The following EFNA3 variants were observed in gnomAD, a reference collection of about 807,000 sequenced individuals.
EFNA3 encodes the protein ephrin A3, also known as ephrin-A3.
In EFNA3, 15 loss-of-function variants were observed where a neutral mutation model predicts 25.0. The ratio of observed to expected loss-of-function variants is 0.60; its 90% CI spans 0.40 to 0.92. The LOEUF (loss-of-function observed/expected upper bound fraction) is 0.92. EFNA3 is among the 40% of genes least tolerant of loss of function. The pLI, the probability that EFNA3 is intolerant of heterozygous loss-of-function variation, is 0.00. For synonymous variants in EFNA3, 153 were observed against 145.6 expected (o/e 1.05, Z -0.37); for missense variants, 298 against 323.8 (o/e 0.92, Z 0.61).
At chr1:155,084,495 G>C (rs1663407815) in intron 1 of EFNA3, among the ~76,000 whole-genome samples, 1 of 152,244 alleles carries the variant, frequency 6.6e-6, no homozygotes, top group Non-Finnish European at 1.5e-5. Flanking sequence ...GTGTGCCATA[G>C]AACTTATGCA....
chr1:155,085,002 G>C lies in EFNA3; in HGVS notation c.129-89G>C, dbSNP rs534340239. The C allele has an allele frequency of 9.6e-6, 14 of 1,461,796 alleles. No homozygotes were observed. The highest frequency in any genetic ancestry group is 3.7e-5 in the South Asian group (3 of 82,090). The allele number at this position is 1,461,796 out of a possible 1,614,324, so 90.6% of individuals were successfully genotyped here. ...GGAGGAAAAGTCGGAAGGCTACGCG[G>C]ACCCTGGGGAGGGGCTGCGGAGCGG... On this transcript the variant is annotated intron_variant, in intron 1 of 4. Coordinates refer to ENST00000368408, the MANE Select transcript of EFNA3 (RefSeq NM_004952.5). The surrounding 1 kb of genome is among the most constrained non-coding windows in gnomAD (Gnocchi z 4.4).
intron 1 of EFNA3, among the ~76,000 whole-genome samples, chr1:155,084,571 G>C (rs2102453157): frequency 6.6e-6 from 1 of 152,384 alleles, no homozygotes; most frequent in Non-Finnish European, 1.5e-5. Context: ...GGCCTCCGGG[G>C]TGGACTGGCA....
At position 155,085,992 on chromosome 1, in the gene EFNA3, TG is replaced by T; in HGVS notation, c.508+54del. The T allele has an allele frequency of 1.9e-6, 3 of 1,584,122 alleles. No individual in the cohort carries two copies. The South Asian group carries it at 3.4e-5, about 18-fold the overall frequency. On this transcript the variant is annotated intron_variant, in intron 3 of 4. Coordinates refer to ENST00000368408, the MANE Select transcript of EFNA3 (RefSeq NM_004952.5). This position sits in a 1 kb window ranked among gnomAD's most constrained non-coding sequence, Gnocchi z 4.4. ...CGCCCCCATCCTCAGCTCCCTGCTT[TG>T]GGGCTCCCCTGGCTTCCTGGGGGTG...
Position 155,086,194 on chromosome 1 carries a change from T to G in EFNA3, c.575T>G (p.Ile192Ser). 6.2e-7 allele frequency: 1 copy of G among 1,608,408 alleles called. No individual in the cohort carries two copies. Among genetic ancestry groups the G allele is most frequent in the South Asian group, 1.1e-5 (1 of 90,954 alleles). ...TTCACCATGGGCCCCAATGTGAAGATCAACGTGCTGGGTGAGTCTGCGCAG... is the reference window on the plus strand; with the variant it reads ...TTCACCATGGGCCCCAATGTGAAGAGCAACGTGCTGGGTGAGTCTGCGCAG... ...PQFTMGPNVKINVLEDFEGEN... is the reference protein window; with the variant it reads ...PQFTMGPNVKSNVLEDFEGEN... The change falls in exon 4 of 5, where the codon ATC becomes AGC. Residue 192 changes from isoleucine to serine, a missense_variant. Transcript: ENST00000368408.
In EFNA3 at chr1:155,079,163, T is replaced by A; in HGVS notation, c.128+94T>A. On this transcript the variant is annotated intron_variant, in intron 1 of 4. Transcript: ENST00000368408. This position sits in a 1 kb window ranked among gnomAD's most constrained non-coding sequence, Gnocchi z 7.7. Reference sequence around the variant, plus strand: ...GTCCTGGGGGATCCCGGGGTGGGAGTCCTGGGAGACCAGAGCTGGGGGCTG... The same window carrying A: ...GTCCTGGGGGATCCCGGGGTGGGAGACCTGGGAGACCAGAGCTGGGGGCTG... 1.7e-6 allele frequency: 2 copies of A among 1,178,530 alleles called. No homozygotes were observed. The highest frequency in any genetic ancestry group is 2.1e-6 in the Non-Finnish European group (2 of 934,500). 73.0% of individuals were successfully genotyped at this position (1,178,530 alleles called of 1,614,324 possible).
chr1:155,085,774 C>A lies in EFNA3; in HGVS notation c.443-103C>A. The stretch of plus-strand genomic sequence containing the variant: ...AGGGTAGGGGAGCTCCTGAAGGAGA[C>A]CGCCCGACGGGGACAGTTTGGAGGG... On this transcript the variant is annotated intron_variant, in intron 2 of 4. Transcript: ENST00000368408. This position sits in a 1 kb window ranked among gnomAD's most constrained non-coding sequence, Gnocchi z 4.4. The A allele has an allele frequency of 7.1e-7, 1 of 1,416,692 alleles. No individual in the cohort carries two copies. Among genetic ancestry groups the A allele is most frequent in the Non-Finnish European group, 9.7e-7 (1 of 1,029,782 alleles). The allele number at this position is 1,416,692 out of a possible 1,614,324, so 87.8% of individuals were successfully genotyped here. A position where few individuals can be genotyped will look rare whatever the true frequency, so the allele number is the denominator to read the frequency against.
At position 155,085,624 on chromosome 1, in the gene EFNA3, GC is replaced by G. The variant is rs958303276; in HGVS notation, c.442+221del. ...TTGGTGACAGTCCCAAGTTTGGGCT[GC>G]GGAGAATCGCTGTTTCTGTGAGGGA... On this transcript the variant is annotated intron_variant, in intron 2 of 4. Coordinates refer to ENST00000368408, the MANE Select transcript of EFNA3 (RefSeq NM_004952.5). This position sits in a 1 kb window ranked among gnomAD's most constrained non-coding sequence, Gnocchi z 4.4. 36 of 691,918 alleles carry G rather than the reference GC, an allele frequency of 5.2e-5. No homozygotes were observed. The highest frequency in any genetic ancestry group is 7.8e-5 in the Non-Finnish European group (33 of 421,412). The allele number at this position is 691,918 out of a possible 1,614,324, so 42.9% of individuals were successfully genotyped here. A position where few individuals can be genotyped will look rare whatever the true frequency, so the allele number is the denominator to read the frequency against.
chr1:155,079,501 A>G lies in EFNA3; in HGVS notation c.128+432A>G, dbSNP rs1288972689. 6.6e-6 allele frequency among the ~76,000 whole-genome samples: 1 copy of G among 152,030 alleles called. No individual in the cohort carries two copies. Among genetic ancestry groups the G allele is most frequent in the Admixed American group, 6.5e-5 (1 of 15,282 alleles). ...GGTTCTGTCTAGGACTCCTGCTTTT[A>G]AAAGTGGGGTCCAGAGCTGAGGCAG... On this transcript the variant is annotated intron_variant, in intron 1 of 4. Coordinates refer to ENST00000368408, the MANE Select transcript of EFNA3 (RefSeq NM_004952.5). This position sits in a 1 kb window ranked among gnomAD's most constrained non-coding sequence, Gnocchi z 7.7.
In EFNA3 at chr1:155,079,595, C is replaced by G. The variant is rs898913839; in HGVS notation, c.128+526C>G. 3.3e-5 allele frequency among the ~76,000 whole-genome samples: 5 copies of G among 152,110 alleles called. No individual in the cohort carries two copies. The highest frequency in any genetic ancestry group is 4.8e-5 in the African/African-American group (2 of 41,404). On this transcript the variant is annotated intron_variant, in intron 1 of 4. Coordinates refer to ENST00000368408, the MANE Select transcript of EFNA3 (RefSeq NM_004952.5). The surrounding 1 kb of genome is among the most constrained non-coding windows in gnomAD (Gnocchi z 7.7). Reference sequence around the variant, plus strand: ...GTCTTGGTTGTGTGGATAAGCCCGGCTAGGGTGAGCTAGGGCTGGGTCGCT... The same window carrying G: ...GTCTTGGTTGTGTGGATAAGCCCGGGTAGGGTGAGCTAGGGCTGGGTCGCT...
rs753508785 is a variant in EFNA3, at chr1:155,086,438, G to C, written c.612G>C (p.Gln204His). The change falls in exon 5 of 5, where the codon CAG (glutamine) becomes CAC (histidine). Residue 204 changes from glutamine (Q) to histidine (H), a missense_variant. Transcript: ENST00000368408. ...VLEDFEGENP[Q>H]VPKLEKSISG... Reference sequence around the variant, plus strand: ...AAGACTTTGAGGGAGAGAACCCTCAGGTGCCCAAGCTTGAGAAGAGCATCA... The same window carrying C: ...AAGACTTTGAGGGAGAGAACCCTCACGTGCCCAAGCTTGAGAAGAGCATCA... 6.2e-7 allele frequency: 1 copy of C among 1,614,108 alleles called. No individual in the cohort carries two copies. Among genetic ancestry groups the C allele is most frequent in the East Asian group, 2.2e-5 (1 of 44,880 alleles).
Position 155,085,583 on chromosome 1 carries a change from G to C in EFNA3, c.442+179G>C. 1.2e-6 allele frequency: 1 copy of C among 813,726 alleles called. No homozygotes were observed. Among genetic ancestry groups the C allele is most frequent in the South Asian group, 1.8e-5 (1 of 54,122 alleles). 50.4% of individuals were successfully genotyped at this position (813,726 alleles called of 1,614,324 possible). On this transcript the variant is annotated intron_variant, in intron 2 of 4. Coordinates refer to ENST00000368408, the MANE Select transcript of EFNA3 (RefSeq NM_004952.5). This position sits in a 1 kb window ranked among gnomAD's most constrained non-coding sequence, Gnocchi z 4.4. ...GGGGTTCAGCTCAGACGAGGTCGTG[G>C]GGCCAAGAGAGGAGTTTGGTGACAG...
Position 155,085,834 on chromosome 1 carries a change from C to A in EFNA3, c.443-43C>A, listed in dbSNP as rs771732846. ...TAGAGCCGTCGAGGGAGGGCACAGG[C>A]ACACATTGGGCGAAAGTGACTCAGG... is the stretch of plus-strand genomic sequence containing the variant. On this transcript the variant is annotated intron_variant, in intron 2 of 4. Coordinates refer to ENST00000368408, the MANE Select transcript of EFNA3 (RefSeq NM_004952.5). The surrounding 1 kb of genome is among the most constrained non-coding windows in gnomAD (Gnocchi z 4.4). 6.2e-6 allele frequency: 10 copies of A among 1,606,684 alleles called. No individual in the cohort carries two copies. Among genetic ancestry groups the A allele is most frequent in the South Asian group, 1.1e-5 (1 of 89,880 alleles).
Position 155,086,759 on chromosome 1 carries a change from C to T in EFNA3, c.*216C>T, listed in dbSNP as rs796650265. 5 of 597,600 alleles carry T rather than the reference C, an allele frequency of 8.4e-6. No homozygotes were observed. The highest frequency in any genetic ancestry group is 3.7e-5 in the African/African-American group (2 of 53,390). 37.0% of individuals were successfully genotyped at this position (597,600 alleles called of 1,614,324 possible). ...CACGGGGACAGCCATGGGTCCCGGGCGGCCTTGTGGCTCTGGTAATGTTTG... is the reference window on the plus strand; with the variant it reads ...CACGGGGACAGCCATGGGTCCCGGGTGGCCTTGTGGCTCTGGTAATGTTTG... On this transcript the variant is annotated 3_prime_UTR_variant, in exon 5 of 5. Coordinates refer to ENST00000368408, the MANE Select transcript of EFNA3 (RefSeq NM_004952.5).
chr1:155,086,561 G>T lies in EFNA3; in HGVS notation c.*18G>T, dbSNP rs780091277. On this transcript the variant is annotated 3_prime_UTR_variant, in exon 5 of 5. Transcript: ENST00000368408. Reference sequence around the variant, plus strand: ...CCTCCTAGCTCTGCCCCCTCCCCTGGGGGGGGAGAGATGGGGCGGGGCTTG... The same window carrying T: ...CCTCCTAGCTCTGCCCCCTCCCCTGTGGGGGGAGAGATGGGGCGGGGCTTG... The T allele has an allele frequency of 3.1e-6, 5 of 1,612,054 alleles. No individual in the cohort carries two copies. Among genetic ancestry groups the T allele is most frequent in the East Asian group, 2.2e-5 (1 of 44,858 alleles).
At position 155,087,099 on chromosome 1, in the gene EFNA3, T is replaced by TG. The variant is rs201103086; in HGVS notation, c.*563dup. On this transcript the variant is annotated 3_prime_UTR_variant, in exon 5 of 5. Coordinates refer to ENST00000368408, the MANE Select transcript of EFNA3 (RefSeq NM_004952.5). The stretch of plus-strand genomic sequence containing the variant: ...AACCAAGTTTACAAGTAGACACCCC[T>TG]GGGGGGGCGGGCAGTGGACAAGGAT... The TG allele has an allele frequency of 3.2e-3, 495 of 157,034 alleles. 3 individuals are homozygous for TG. The highest frequency in any genetic ancestry group is 7.9e-3 in the Admixed American group (124 of 15,778). 9.7% of individuals were successfully genotyped at this position (157,034 alleles called of 1,614,324 possible).
At chr1:155,086,246 C>T (rs1255428630) in intron 4 of EFNA3, 41 bp downstream of exon 4, 7 of 1,604,980 alleles carry the variant, frequency 4.4e-6, no homozygotes, top group Non-Finnish European at 6.0e-6. Flanking sequence ...CTGCTGGAAC[C>T]GCAGCCCCCC....
rs1016227847 is a variant in EFNA3 at position 155,085,159 on chromosome 1, A to G, written c.197A>G (p.Tyr66Cys). 1.2e-6 allele frequency: 2 copies of G among 1,613,408 alleles called. No homozygotes were observed. Among genetic ancestry groups the G allele is most frequent in the Non-Finnish European group, 1.7e-6 (2 of 1,179,976 alleles). The stretch of plus-strand genomic sequence containing the variant: ...TATCTGGATATTTACTGCCCGCACT[A>G]CAACAGCTCGGGGGTGGGCCCCGGG... ...NDYLDIYCPHYNSSGVGPGAG... is the reference protein window; with the variant it reads ...NDYLDIYCPHCNSSGVGPGAG... The change falls in exon 2 of 5, where the codon TAC (tyrosine) becomes TGC (cysteine). Residue 66 changes from tyrosine (Y) to cysteine (C), a missense_variant. Coordinates refer to ENST00000368408, the MANE Select transcript of EFNA3 (RefSeq NM_004952.5). This position sits in a 1 kb window ranked among gnomAD's most constrained non-coding sequence, Gnocchi z 4.4.
At position 155,085,018 on chromosome 1, in the gene EFNA3, T is replaced by TGCGGAGCGGTCAGATGGAAA; in HGVS notation, c.129-68_129-49dup. 1 of 1,537,352 alleles carries TGCGGAGCGGTCAGATGGAAA rather than the reference T, an allele frequency of 6.5e-7. No individual in the cohort carries two copies. The highest frequency in any genetic ancestry group is 1.4e-5 in the African/African-American group (1 of 72,928). On this transcript the variant is annotated intron_variant, in intron 1 of 4. Coordinates refer to ENST00000368408, the MANE Select transcript of EFNA3 (RefSeq NM_004952.5). The surrounding 1 kb of genome is among the most constrained non-coding windows in gnomAD (Gnocchi z 4.4). Reference sequence around the variant, plus strand: ...GGCTACGCGGACCCTGGGGAGGGGCTGCGGAGCGGTCAGATGGAAAGCGGC... The same window carrying TGCGGAGCGGTCAGATGGAAA: ...GGCTACGCGGACCCTGGGGAGGGGCTGCGGAGCGGTCAGATGGAAAGCGGAGCGGTCAGATGGAAAGCGGC...
chr1:155,081,391 G>T lies in EFNA3; in HGVS notation c.128+2322G>T, dbSNP rs1663341215. Among the ~76,000 whole-genome samples, 1 of 152,210 alleles carries T rather than the reference G, an allele frequency of 6.6e-6. No individual in the cohort carries two copies. Among genetic ancestry groups the T allele is most frequent in the African/African-American group, 2.4e-5 (1 of 41,448 alleles). On this transcript the variant is annotated intron_variant, in intron 1 of 4. Transcript: ENST00000368408. The surrounding 1 kb of genome is among the most constrained non-coding windows in gnomAD (Gnocchi z 5.2). ...TGGGACGGCCGATGGCCAAATATAT[G>T]CCCCCTGGCCTGTGTTTCATTTCTT...
Sources: allele counts gnomAD v4.1 joint callset (sites outside exome capture counted in the v4.1 genomes callset), GRCh38; gene constraint gnomAD v4.1.1; non-coding constraint Gnocchi (gnomAD v3.1); transcripts MANE v1.5; gene names NCBI Gene and HGNC (gene_info 2026-07-23, HGNC 2026-07-21).